Variants in KHDRBS2 observed in about 807,000 individuals in gnomAD.
The protein encoded by KHDRBS2 is KH domain-containing, RNA-binding, signal transduction-associated protein 2.
Under a neutral mutation model 44.3 loss-of-function variants are expected in KHDRBS2, and 26 were observed. The observed-to-expected ratio is 0.59, with a 90% CI of 0.43 to 0.81. The LOEUF (loss-of-function observed/expected upper bound fraction) is 0.81. Among genes scored for constraint, KHDRBS2 ranks in the 40% least tolerant of loss-of-function variants. KHDRBS2 has a pLI of 0.00. For synonymous variants in KHDRBS2, 194 were observed against 151.1 expected (o/e 1.28, Z -2.08); for missense variants, 476 against 433.1 (o/e 1.10, Z -0.88).
the KHDRBS2 span, among the ~76,000 whole-genome samples, chr6:61,668,634 C>T: frequency 2.0e-5 from 3 of 151,000 alleles, no homozygotes; most frequent in African/African-American, 7.3e-5. Flanking sequence ...CAGGACATTA[C>T]ATTCCCTAAA....
intron 3 of KHDRBS2, among the ~76,000 whole-genome samples, chr6:62,042,775 C>T (rs929652797): frequency 1.1e-4 from 16 of 152,018 alleles, no homozygotes; most frequent in African/African-American, 3.9e-4. Flanking sequence ...TCACCAAATG[C>T]AGAAGAAATA....
the KHDRBS2 span, among the ~76,000 whole-genome samples, chr6:61,645,114 A>G: frequency 4.6e-5 from 7 of 152,330 alleles, no homozygotes; most frequent in Non-Finnish European, 2.9e-5. Context: ...GAACATATAC[A>G]TCATGGAATA....
At chr6:61,933,666 G>C (rs1393107622) in intron 4 of KHDRBS2, among the ~76,000 whole-genome samples, 1 of 152,056 alleles carries the variant, frequency 6.6e-6, no homozygotes, top group African/African-American at 2.4e-5. Flanking sequence ...TATTGAAAAC[G>C]GTAGGCAACT....
intron 4 of KHDRBS2, among the ~76,000 whole-genome samples, chr6:61,966,484 G>A (rs758328610): frequency 1.3e-5 from 2 of 151,920 alleles, no homozygotes; most frequent in African/African-American, 4.8e-5. Flanking sequence ...TTGTCCAGGG[G>A]ACATGATAAT....
At chr6:61,907,650 T>A (rs963248946) in intron 4 of KHDRBS2, among the ~76,000 whole-genome samples, 1 of 152,240 alleles carries the variant, frequency 6.6e-6, no homozygotes, top group Non-Finnish European at 1.5e-5. Flanking sequence ...CCAGCAACAT[T>A]TATTAAAGAG....
chr6:62,100,127 T>C (rs903127967), intron 2 of KHDRBS2, among the ~76,000 whole-genome samples: 9 of 152,248 alleles, frequency 5.9e-5, no homozygotes, highest in African/African-American at 2.2e-4. Flanking sequence ...ATTCTAACCA[T>C]CATGGATGGC....
intron 2 of KHDRBS2, among the ~76,000 whole-genome samples, chr6:62,062,601 C>A (rs921692538): frequency 1.1e-3 from 168 of 149,288 alleles, no homozygotes; most frequent in African/African-American, 2.6e-3. Flanking sequence ...ACACAACATA[C>A]CAGAATCTCT....
intron 2 of KHDRBS2, among the ~76,000 whole-genome samples, chr6:62,083,647 C>T (rs1156690670): frequency 6.6e-6 from 1 of 152,154 alleles, no homozygotes; most frequent in African/African-American, 2.4e-5. Context: ...CTCATCCCTA[C>T]CTCTGCACCC....
intron 4 of KHDRBS2, among the ~76,000 whole-genome samples, chr6:61,906,535 C>G (rs1490121776): frequency 6.6e-6 from 1 of 152,078 alleles, no homozygotes; most frequent in East Asian, 1.9e-4. Context: ...ACCATCCCAA[C>G]TTCCCCCCCT....
At chr6:61,611,706 T>C in the KHDRBS2 span, among the ~76,000 whole-genome samples, 1 of 152,206 alleles carries the variant, frequency 6.6e-6, no homozygotes, top group Non-Finnish European at 1.5e-5. Flanking sequence ...GAGTCCTATA[T>C]ACACTCATTT....
chr6:61,571,357 A>G, the KHDRBS2 span, among the ~76,000 whole-genome samples: 8 of 152,142 alleles, frequency 5.3e-5, no homozygotes, highest in Middle Eastern at 3.2e-3. Context: ...GGTTTAGTTC[A>G]ACAGGAAAAG....
intron 1 of KHDRBS2, among the ~76,000 whole-genome samples, chr6:62,283,178 A>G (rs1233048867): frequency 6.6e-6 from 1 of 152,166 alleles, no homozygotes; most frequent in African/African-American, 2.4e-5. Context: ...TATTATAAAC[A>G]AACTTCAAAC....
At chr6:61,948,184 G>T (rs1210243512) in intron 4 of KHDRBS2, among the ~76,000 whole-genome samples, 1 of 151,918 alleles carries the variant, frequency 6.6e-6, no homozygotes, top group African/African-American at 2.4e-5. Flanking sequence ...AGAAATTATA[G>T]AAAATTCAAC....
Position 61,978,224 on chromosome 6 carries a change from G to A in KHDRBS2, c.337-12C>T. On this transcript the variant is annotated splice_polypyrimidine_tract_variant and intron_variant, in intron 3 of 8. Transcript: ENST00000281156. ...CTTAGTTCTTCTTCCTGTGAAAAAGGTTATTTTTAGAAATACAAATCCACT... is the reference window on the plus strand; with the variant it reads ...CTTAGTTCTTCTTCCTGTGAAAAAGATTATTTTTAGAAATACAAATCCACT... 6.3e-7 allele frequency: 1 copy of A among 1,594,242 alleles called. No individual in the cohort carries two copies.
At chr6:61,822,067 C>T (rs1297084217) in intron 6 of KHDRBS2, among the ~76,000 whole-genome samples, 1 of 151,964 alleles carries the variant, frequency 6.6e-6, no homozygotes, top group Non-Finnish European at 1.5e-5. Flanking sequence ...TTACCTGATT[C>T]ATTTCAATGA....
chr6:62,217,503 TAG>T (rs1275775286), intron 1 of KHDRBS2, among the ~76,000 whole-genome samples: 1 of 151,836 alleles, frequency 6.6e-6, no homozygotes, highest in African/African-American at 2.4e-5. Flanking sequence ...TTCAAACACA[TAG>T]TTGGTAATAC....
At chr6:61,954,575 TAGACATATTTATGTATATATACAC>T (rs1765695922) in intron 4 of KHDRBS2, among the ~76,000 whole-genome samples, 1 of 138,226 alleles carries the variant, frequency 7.2e-6, no homozygotes, top group Non-Finnish European at 1.6e-5. Context: ...CATACGTATG[TAGACATATTTATGTATATATACAC>T]ATACATACTT....
At position 62,237,757 on chromosome 6, in the gene KHDRBS2, G is replaced by A. The variant is rs573081973; in HGVS notation, c.91+48101C>T. ...ACTGTCTCATATCAAGAAAAATATT[G>A]AGGCCCGGTGCAGTGGCTCACGCCT... On this transcript the variant is annotated intron_variant, in intron 1 of 8. Coordinates refer to ENST00000281156, the MANE Select transcript of KHDRBS2 (RefSeq NM_152688.4). 3.2e-4 allele frequency among the ~76,000 whole-genome samples: 48 copies of A among 152,108 alleles called. No individual in the cohort carries two copies. The South Asian group carries it at 1.0e-2, about 32-fold the overall frequency.
intron 7 of KHDRBS2, among the ~76,000 whole-genome samples, chr6:61,726,904 C>T (rs1012035331): frequency 6.6e-6 from 1 of 152,052 alleles, no homozygotes; most frequent in Non-Finnish European, 1.5e-5. Flanking sequence ...ACATTCTTCA[C>T]AGAATTAGAA....
Sources: allele counts gnomAD v4.1 joint callset (sites outside exome capture counted in the v4.1 genomes callset), GRCh38; gene constraint gnomAD v4.1.1; transcripts MANE v1.5; gene names NCBI Gene and HGNC (gene_info 2026-07-23, HGNC 2026-07-21).